MAP2K5: variants seen among roughly 807,000 people sequenced by gnomAD.
The protein encoded by MAP2K5 is mitogen-activated protein kinase kinase 5.
A neutral mutation model predicts 83.1 loss-of-function variants in MAP2K5; 49 were observed. That is an observed-to-expected ratio of 0.59 (90% CI 0.47 to 0.75). The LOEUF is 0.75. Among genes scored for constraint, MAP2K5 ranks in the 30% least tolerant of loss-of-function variants. MAP2K5 has a pLI of 0.00. For missense variants in MAP2K5, 457 were observed against 557.5 expected, an observed-to-expected ratio of 0.82 and a Z score of 1.82; for synonymous variants, 202 against 191.8, an observed-to-expected ratio of 1.05 and a Z score of -0.44.
Position 67,552,558 on chromosome 15 carries a change from C to T in MAP2K5, c.184+2476C>T, listed in dbSNP as rs2084533449. Among the ~76,000 whole-genome samples the T allele has an allele frequency of 6.6e-6, 1 of 152,068 alleles. No homozygotes were observed. The highest frequency in any genetic ancestry group is 2.4e-5 in the African/African-American group (1 of 41,386). ...CAAGTGATCTTCCTGCCTCAGCCTC[C>T]CGAGTAGCTGGGACTACAGGCACCC... On this transcript the variant is annotated intron_variant, in intron 2 of 21. Coordinates refer to ENST00000178640, the MANE Select transcript of MAP2K5 (RefSeq NM_145160.3). This position sits in a 1 kb window ranked among gnomAD's most constrained non-coding sequence, Gnocchi z 4.2.
chr15:67,741,504 A>G (rs1250526375), intron 17 of MAP2K5, among the ~76,000 whole-genome samples: 1 of 152,174 alleles, frequency 6.6e-6, no homozygotes, highest in Non-Finnish European at 1.5e-5. Context: ...AGAAGCAACC[A>G]AAGGCCTTAG....
In MAP2K5 at chr15:67,586,921, C is replaced by T. The variant is rs1437386532; in HGVS notation, c.431+8C>T. 9 of 1,613,892 alleles carry T rather than the reference C, an allele frequency of 5.6e-6. No homozygotes were observed. The highest frequency in any genetic ancestry group is 4.5e-5 in the East Asian group (2 of 44,868). On this transcript the variant is annotated splice_region_variant and intron_variant, in intron 6 of 21. Coordinates refer to ENST00000178640, the MANE Select transcript of MAP2K5 (RefSeq NM_145160.3). ...TTCACTTCCAAGCAATAGGTGCGAG[C>T]GAGCAAGTAAAGTGTGCCCTTGATG...
At chr15:67,675,498 T>C (rs2087654841) in intron 13 of MAP2K5, among the ~76,000 whole-genome samples, 1 of 152,188 alleles carries the variant, frequency 6.6e-6, no homozygotes, top group South Asian at 2.1e-4. Flanking sequence ...CTCATGGTGA[T>C]GGAAATGTTC....
chr15:67,657,099 G>A (rs1373381145), intron 11 of MAP2K5, among the ~76,000 whole-genome samples: 3 of 152,174 alleles, frequency 2.0e-5, no homozygotes, highest in Non-Finnish European at 4.4e-5. Context: ...GGGTCTAACT[G>A]AGGTTAAAAA....
intron 19 of MAP2K5, among the ~76,000 whole-genome samples, chr15:67,756,255 T>G (rs1194035738): frequency 6.6e-6 from 1 of 152,178 alleles, no homozygotes; most frequent in Admixed American, 6.5e-5. Flanking sequence ...ACATTTTCTC[T>G]CTCTCACCAT....
At chr15:67,591,941 C>T (rs2085421587) in intron 6 of MAP2K5, among the ~76,000 whole-genome samples, 1 of 151,582 alleles carries the variant, frequency 6.6e-6, no homozygotes, top group African/African-American at 2.4e-5. Flanking sequence ...GAGAAACCCC[C>T]AGCTTACTAA....
At chr15:67,726,337 T>C (rs1306015331) in intron 16 of MAP2K5, among the ~76,000 whole-genome samples, 2 of 152,240 alleles carry the variant, frequency 1.3e-5, no homozygotes, top group Non-Finnish European at 2.9e-5. Context: ...AGCATATTCA[T>C]GTCTAAGCAA....
chr15:67,633,073 T>C (rs2086511266), intron 9 of MAP2K5, among the ~76,000 whole-genome samples: 2 of 152,332 alleles, frequency 1.3e-5, no homozygotes, highest in Middle Eastern at 3.4e-3. Flanking sequence ...CTGAGCTCAC[T>C]GAATGCAGCT....
chr15:67,788,810 CA>C (rs974884303), intron 21 of MAP2K5, among the ~76,000 whole-genome samples: 7 of 151,842 alleles, frequency 4.6e-5, no homozygotes, highest in African/African-American at 1.7e-4. Context: ...CCTGTCTCTA[CA>C]AAAACTTAAA....
At chr15:67,600,591 A>C (rs1036868665) in intron 7 of MAP2K5, 94 bp from the exon 8 acceptor site, 6 of 901,166 alleles carry the variant, frequency 6.7e-6, no homozygotes, top group African/African-American at 1.7e-5. Context: ...GAAATGACCC[A>C]GACTGCTTGT....
intron 21 of MAP2K5, among the ~76,000 whole-genome samples, chr15:67,800,497 TA>T (rs2090684909): frequency 6.6e-6 from 1 of 152,232 alleles, no homozygotes; most frequent in African/African-American, 2.4e-5. Context: ...CTCACTCACC[TA>T]AGTTGCCTTC....
At position 67,543,236 on chromosome 15, in the gene MAP2K5, T is replaced by C; in HGVS notation, c.-100T>C. On this transcript the variant is annotated 5_prime_UTR_variant, in exon 1 of 22. Transcript: ENST00000178640. This position sits in a 1 kb window ranked among gnomAD's most constrained non-coding sequence, Gnocchi z 4.3. ...TCCATTCCCTTGTTTTCACCCTCTG[T>C]CCTCTGCCCGTCACTCCCCTTGTCA... 4 of 1,239,302 alleles carry C rather than the reference T, an allele frequency of 3.2e-6. No individual in the cohort carries two copies. The highest frequency in any genetic ancestry group is 4.7e-6 in the Non-Finnish European group (4 of 852,618). The allele number at this position is 1,239,302 out of a possible 1,614,324, so 76.8% of individuals were successfully genotyped here.
Position 67,668,382 on chromosome 15 carries a change from C to T in MAP2K5, c.847+3737C>T, listed in dbSNP as rs1363760051. Among the ~76,000 whole-genome samples the T allele has an allele frequency of 6.6e-6, 1 of 152,062 alleles. No individual in the cohort carries two copies. The highest frequency in any genetic ancestry group is 1.9e-4 in the East Asian group (1 of 5,192). On this transcript the variant is annotated intron_variant, in intron 13 of 21. Transcript: ENST00000178640. This position sits in a 1 kb window ranked among gnomAD's most constrained non-coding sequence, Gnocchi z 4.0. ...AATCATTAAAAATGTTTGAAATGCC[C>T]ACCAAATTAACTACTGTGGAAAAGT...
At position 67,564,104 on chromosome 15, in the gene MAP2K5, C is replaced by T. The variant is rs186649834; in HGVS notation, c.252+754C>T. On this transcript the variant is annotated intron_variant, in intron 3 of 21. Coordinates refer to ENST00000178640, the MANE Select transcript of MAP2K5 (RefSeq NM_145160.3). ...GTAATCTGTTTACAAAACCTTTTCCCGTGGCCTGGTAGAAAGAGCATTGGA... is the reference window on the plus strand; with the variant it reads ...GTAATCTGTTTACAAAACCTTTTCCTGTGGCCTGGTAGAAAGAGCATTGGA... Among the ~76,000 whole-genome samples, 186 of 152,266 alleles carry T rather than the reference C, an allele frequency of 1.2e-3. 1 individual carries two copies. The highest frequency in any genetic ancestry group is 4.2e-3 in the African/African-American group (173 of 41,540).
intron 7 of MAP2K5, among the ~76,000 whole-genome samples, chr15:67,595,094 C>G (rs992171647): frequency 1.3e-5 from 2 of 152,092 alleles, no homozygotes; most frequent in Non-Finnish European, 2.9e-5. Context: ...TTCCACTAGC[C>G]TCCACTTAGA....
chr15:67,716,320 G>A (rs1187619602), intron 16 of MAP2K5, among the ~76,000 whole-genome samples: 1 of 152,048 alleles, frequency 6.6e-6, no homozygotes, highest in Non-Finnish European at 1.5e-5. Context: ...CAGCAACCGA[G>A]CAAGACTCTG....
At chr15:67,707,113 C>T (rs61584395) in intron 16 of MAP2K5, among the ~76,000 whole-genome samples, 20,610 of 152,200 alleles carry the variant, frequency 0.14, 1,499 homozygotes, top group South Asian at 0.16. Flanking sequence ...GACAGGGTTT[C>T]ACCATGTTAG....
chr15:67,797,986 A>C (rs2090634577), intron 21 of MAP2K5, among the ~76,000 whole-genome samples: 1 of 152,058 alleles, frequency 6.6e-6, no homozygotes, highest in Non-Finnish European at 1.5e-5. Context: ...CCCGGCCTAA[A>C]ATGTTTTCTT....
chr15:67,709,427 A>G (rs1238414574), intron 16 of MAP2K5, among the ~76,000 whole-genome samples: 3 of 149,146 alleles, frequency 2.0e-5, no homozygotes, highest in African/African-American at 7.4e-5. Context: ...TCAGTTGCCT[A>G]GGAGATTTTT....
Sources: gnomAD v4.1 joint callset for allele counts (sites outside exome capture counted in the v4.1 genomes callset) on GRCh38, gnomAD v4.1.1 for gene constraint, Gnocchi (gnomAD v3.1) non-coding constraint, MANE v1.5 for transcripts, NCBI Gene and HGNC (gene_info 2026-07-23, HGNC 2026-07-21) for gene names.